The following GATA4 variants were observed in gnomAD, a reference collection of about 807,000 sequenced individuals.
GATA4 encodes GATA binding protein 4, also known as transcription factor GATA-4.
A neutral mutation model predicts 37.9 loss-of-function variants in GATA4; 7 were observed. The ratio of observed to expected loss-of-function variants is 0.18; its 90% confidence interval spans 0.11 to 0.35. The LOEUF (loss-of-function observed/expected upper bound fraction) is 0.35, where lower values mean the gene tolerates loss of function less well. Ranked by LOEUF, GATA4 falls within the 10% of genes least tolerant of loss-of-function variation. The pLI is 1.00. For synonymous variants in GATA4, 372 were observed against 292.6 expected, an observed-to-expected ratio of 1.27 and a Z score of -2.77; for missense variants, 647 against 653.0, an observed-to-expected ratio of 0.99 and a Z score of 0.10.
At chr8:11,686,580 C>T (rs1585552446) in intron 1 of GATA4, among the ~76,000 whole-genome samples, 2 of 152,172 alleles carry the variant, frequency 1.3e-5, no homozygotes, top group Non-Finnish European at 2.9e-5. Context: ...GAGACAGGCA[C>T]CATAGCCATC....
Position 11,758,585 on chromosome 8 carries a change from C to T in GATA4, c.*110C>T, listed in dbSNP as rs1038955437. Reference sequence around the variant, plus strand: ...GGCCTCCTCTGCCTGGTAATGACTCCAGAACAACAACTGGGAAGAAACTTG... The same window carrying T: ...GGCCTCCTCTGCCTGGTAATGACTCTAGAACAACAACTGGGAAGAAACTTG... On this transcript the variant is annotated 3_prime_UTR_variant, in exon 7 of 7. Coordinates refer to ENST00000532059, the MANE Select transcript of GATA4 (RefSeq NM_001308093.3). The T allele has an allele frequency of 2.3e-5, 24 of 1,041,818 alleles. No homozygotes were observed. The highest frequency in any genetic ancestry group is 3.6e-5 in the Non-Finnish European group (24 of 671,326). The allele number at this position is 1,041,818 out of a possible 1,614,324, so 64.5% of individuals were successfully genotyped here. A position where few individuals can be genotyped will look rare whatever the true frequency, so the allele number is the denominator to read the frequency against.
intron 5 of GATA4, among the ~76,000 whole-genome samples, chr8:11,756,218 G>A (rs1402224662): frequency 6.6e-6 from 1 of 152,094 alleles, no homozygotes; most frequent in Non-Finnish European, 1.5e-5. Flanking sequence ...AGATAAATGG[G>A]CCCTTTCCAC....
At chr8:11,717,610 T>G (rs1418397502) in intron 2 of GATA4, among the ~76,000 whole-genome samples, 1 of 152,188 alleles carries the variant, frequency 6.6e-6, no homozygotes, top group African/African-American at 2.4e-5. Flanking sequence ...ATGAGGGCAC[T>G]TGGCTCTTCA....
intron 4 of GATA4, among the ~76,000 whole-genome samples, chr8:11,753,706 A>G (rs1024386498): frequency 2.6e-5 from 4 of 152,118 alleles, no homozygotes; most frequent in Admixed American, 2.6e-4. Context: ...CACCCCATCT[A>G]CCCACAGTTA....
intron 1 of GATA4, among the ~76,000 whole-genome samples, chr8:11,706,327 T>C (rs1179675578): frequency 1.3e-5 from 2 of 152,238 alleles, no homozygotes; most frequent in South Asian, 2.1e-4. Context: ...ATAAAGATGA[T>C]CATTTATTAT....
chr8:11,752,653 G>C (rs1802360143), intron 4 of GATA4, among the ~76,000 whole-genome samples: 1 of 152,178 alleles, frequency 6.6e-6, no homozygotes, highest in African/African-American at 2.4e-5. Context: ...GTGTACAGAT[G>C]TTTGAGAATT....
intron 2 of GATA4, among the ~76,000 whole-genome samples, chr8:11,743,819 T>C (rs1233817212): frequency 2.0e-5 from 3 of 152,202 alleles, no homozygotes; most frequent in African/African-American, 7.2e-5. Context: ...GCTTGTTTAA[T>C]TGATAGGAAT....
At chr8:11,692,772 G>A (rs1799360098) in intron 1 of GATA4, 2 of 983,114 alleles carry the variant, frequency 2.0e-6, no homozygotes, top group South Asian at 9.4e-5. Context: ...GGGGCGGGAA[G>A]CGAGGCTGCC....
intron 1 of GATA4, among the ~76,000 whole-genome samples, chr8:11,693,562 C>CAGAGAGAGAGAGAG (rs139631153): frequency 4.4e-4 from 32 of 72,226 alleles, no homozygotes; most frequent in Middle Eastern, 7.1e-3. Flanking sequence ...CACACACACA[C>CAGAGAGAGAGAGAG]AGAGAGAGAG....
chr8:11,700,839 C>T (rs1799651351), upstream of GATA4: 1 of 152,208 alleles, frequency 6.6e-6, no homozygotes, highest in African/African-American at 2.4e-5. Flanking sequence ...CTTGGTGGCG[C>T]CAGATTTTTT....
chr8:11,729,181 C>A (rs1250024007), intron 2 of GATA4, among the ~76,000 whole-genome samples: 1 of 152,152 alleles, frequency 6.6e-6, no homozygotes, highest in Non-Finnish European at 1.5e-5. Flanking sequence ...CATGATCGTG[C>A]CACTGCACTC....
chr8:11,755,797 G>A (rs1400778365), intron 5 of GATA4, among the ~76,000 whole-genome samples: 4 of 151,620 alleles, frequency 2.6e-5, no homozygotes, highest in African/African-American at 9.7e-5. Context: ...ATACCACTCT[G>A]CCTTCTTAAT....
chr8:11,758,693 C>G lies in GATA4; in HGVS notation c.*218C>G. 1 of 601,152 alleles carries G rather than the reference C, an allele frequency of 1.7e-6. No homozygotes were observed. The highest frequency in any genetic ancestry group is 3.0e-6 in the Non-Finnish European group (1 of 334,554). The allele number at this position is 601,152 out of a possible 1,614,324, so 37.2% of individuals were successfully genotyped here. A position where few individuals can be genotyped will look rare whatever the true frequency, so the allele number is the denominator to read the frequency against. ...GCTGATGGGACTGGAGGGAGCCCACCCTTCAGCACGAGCACACTGCATCTC... is the reference window on the plus strand; with the variant it reads ...GCTGATGGGACTGGAGGGAGCCCACGCTTCAGCACGAGCACACTGCATCTC... On this transcript the variant is annotated 3_prime_UTR_variant, in exon 7 of 7. Coordinates refer to ENST00000532059, the MANE Select transcript of GATA4 (RefSeq NM_001308093.3).
chr8:11,740,856 C>G (rs1461148183), intron 2 of GATA4, among the ~76,000 whole-genome samples: 3 of 151,970 alleles, frequency 2.0e-5, no homozygotes, highest in Admixed American at 6.6e-5. Flanking sequence ...GCCTCAGCCT[C>G]CCGAGTAGCT....
upstream of GATA4, among the ~76,000 whole-genome samples, chr8:11,689,946 C>T (rs1799257411): frequency 6.6e-6 from 1 of 152,212 alleles, no homozygotes; most frequent in African/African-American, 2.4e-5. Context: ...TGCCAGGGAA[C>T]CTTGTCCTGG....
At chr8:11,694,536 A>G (rs1214731527) in intron 1 of GATA4, 2 of 984,520 alleles carry the variant, frequency 2.0e-6, no homozygotes, top group Non-Finnish European at 2.4e-6. Flanking sequence ...CTGCTGCTTA[A>G]TTAGCAAGCT....
chr8:11,756,423 A>G (rs1037055862), intron 5 of GATA4: 2 of 204,530 alleles, frequency 9.8e-6, no homozygotes, highest in African/African-American at 2.3e-5. Flanking sequence ...AATCACAGAT[A>G]GAGAAGACAT....
chr8:11,752,022 G>C (rs1802328172), intron 4 of GATA4, among the ~76,000 whole-genome samples: 1 of 151,926 alleles, frequency 6.6e-6, no homozygotes, highest in East Asian at 1.9e-4. Flanking sequence ...GCAAAAACTA[G>C]AAACAACCTT....
upstream of GATA4, among the ~76,000 whole-genome samples, chr8:11,688,463 C>G (rs1383791282): frequency 6.6e-6 from 1 of 152,158 alleles, no homozygotes; most frequent in Non-Finnish European, 1.5e-5. Flanking sequence ...CCATCAAGAA[C>G]TTTTTAAACC....
Sources: allele counts gnomAD v4.1 joint callset (sites outside exome capture counted in the v4.1 genomes callset), GRCh38; gene constraint gnomAD v4.1.1; transcripts MANE v1.5; gene names NCBI Gene and HGNC (gene_info 2026-07-23, HGNC 2026-07-21).